ACOX3: variants seen among roughly 807,000 people sequenced by gnomAD.
ACOX3 encodes the protein peroxisomal acyl-coenzyme A oxidase 3.
Under a neutral mutation model 81.5 loss-of-function variants are expected in ACOX3, and 73 were observed. The observed-to-expected ratio is 0.90, with a 90% confidence interval of 0.74 to 1.09. The LOEUF is 1.09. Among genes scored for constraint, ACOX3 ranks in the 50% least tolerant of loss-of-function variants. ACOX3 has a pLI of 0.00. For synonymous variants in ACOX3, 387 were observed against 375.1 expected (o/e 1.03, Z -0.37); for missense variants, 947 against 928.0 (o/e 1.02, Z -0.27).
intron 10 of ACOX3, 145 bp from the exon 11 acceptor site, chr4:8,392,598 G>T: frequency 1.1e-6 from 1 of 945,534 alleles, no homozygotes; most frequent in Non-Finnish European, 1.5e-6. Context: ...AAACCTAATT[G>T]TAATTAGAAA....
intron 1 of ACOX3, among the ~76,000 whole-genome samples, chr4:8,433,575 TC>T (rs1280661904): frequency 3.9e-5 from 6 of 152,258 alleles, no homozygotes; most frequent in Admixed American, 3.9e-4. Context: ...CTGTATGTGA[TC>T]AAACACTGAA....
intron 7 of ACOX3, among the ~76,000 whole-genome samples, chr4:8,404,963 G>A (rs1345026072): frequency 6.6e-6 from 1 of 152,138 alleles, no homozygotes; most frequent in African/African-American, 2.4e-5. Context: ...AGCATTCGCA[G>A]TGAGGGAGGC....
intron 17 of ACOX3, among the ~76,000 whole-genome samples, chr4:8,367,806 C>CAAAAAAAA (rs535574857): frequency 1.1e-4 from 5 of 46,708 alleles, no homozygotes; most frequent in Non-Finnish European, 1.3e-4. Context: ...CCCATCTTTA[C>CAAAAAAAA]AAAAAAAAAA....
In ACOX3 at chr4:8,416,446, C is replaced by T. The variant is rs746051376; in HGVS notation, c.76G>A (p.Ala26Thr). The change falls in exon 2 of 18, where the codon GCA (alanine) becomes ACA (threonine). Residue 26 changes from alanine (A) to threonine (T), a missense_variant. Transcript: ENST00000356406. This position sits in a 1 kb window ranked among gnomAD's most constrained non-coding sequence, Gnocchi z 4.2. ...FPRGPLDAYR[A>T]RASFSWKELA... ...TCCTTCCAGCTGAAGGACGCTCTTG[C>T]TCGGTAGGCATCGAGGGGCCCCCTG... The T allele has an allele frequency of 6.2e-7, 1 of 1,614,186 alleles. No homozygotes were observed. Among genetic ancestry groups the T allele is most frequent in the Non-Finnish European group, 8.5e-7 (1 of 1,180,032 alleles).
chr4:8,428,894 GT>G (rs1252824394), intron 1 of ACOX3, among the ~76,000 whole-genome samples: 2 of 152,206 alleles, frequency 1.3e-5, no homozygotes, highest in African/African-American at 4.8e-5. Context: ...GGGCAACATA[GT>G]AAGACCCGGC....
chr4:8,438,346 T>A (rs1579016520), intron 1 of ACOX3, among the ~76,000 whole-genome samples: 1 of 152,156 alleles, frequency 6.6e-6, no homozygotes, highest in South Asian at 2.1e-4. Context: ...GGCTGCAAAG[T>A]TCAAGAAAAA....
In ACOX3 at chr4:8,416,523, G is replaced by A. The variant is rs755040030; in HGVS notation, c.-2C>T. ...GCCTCCTTCCACAGTGGATGCCATC[G>A]CGTGATAAGAGCCTGCACAAAACAT... On this transcript the variant is annotated 5_prime_UTR_variant, in exon 2 of 18. Coordinates refer to ENST00000356406, the MANE Select transcript of ACOX3 (RefSeq NM_003501.3). This position sits in a 1 kb window ranked among gnomAD's most constrained non-coding sequence, Gnocchi z 4.2. The A allele has an allele frequency of 6.2e-6, 10 of 1,601,490 alleles. No individual in the cohort carries two copies. The Admixed American group carries it at 8.5e-5, about 14-fold the overall frequency.
chr4:8,366,747 G>A lies in ACOX3; in HGVS notation c.*214C>T, dbSNP rs562302184. On this transcript the variant is annotated 3_prime_UTR_variant, in exon 18 of 18. Transcript: ENST00000356406. ...ATGATCATCTGCATTTCTTTTCCAC[G>A]CTGCAAATCACCGCGATCCCAGATT... The A allele has an allele frequency of 2.9e-5, 14 of 482,776 alleles. No homozygotes were observed. Among genetic ancestry groups the A allele is most frequent in the African/African-American group, 2.1e-4 (11 of 51,478 alleles). The allele number at this position is 482,776 out of a possible 1,614,324, so 29.9% of individuals were successfully genotyped here. A position where few individuals can be genotyped will look rare whatever the true frequency, so the allele number is the denominator to read the frequency against.
intron 3 of ACOX3, among the ~76,000 whole-genome samples, chr4:8,415,456 TAAA>T (rs1399823554): frequency 7.4e-6 from 1 of 135,136 alleles, no homozygotes; most frequent in Non-Finnish European, 1.6e-5. Context: ...TTGTATGAGG[TAAA>T]AAAAAAAAAA....
chr4:8,361,266 G>A, the ACOX3 span, among the ~76,000 whole-genome samples: 2 of 150,650 alleles, frequency 1.3e-5, no homozygotes, highest in East Asian at 2.0e-4. Context: ...TACTAAAAAT[G>A]CAAAAAAAAA....
rs745475583 is a variant in ACOX3 at position 8,373,532 on chromosome 4, T to C, written c.1896+29A>G. 5 of 1,611,370 alleles carry C rather than the reference T, an allele frequency of 3.1e-6. No homozygotes were observed. The South Asian group carries it at 3.3e-5, about 11-fold the overall frequency. On this transcript the variant is annotated intron_variant, in intron 16 of 17. Coordinates refer to ENST00000356406, the MANE Select transcript of ACOX3 (RefSeq NM_003501.3). ...TCTGGGCGGTTGTGTAACATGGATG[T>C]AGAGAACGCGACAGCACCCACGGCT...
In ACOX3 at chr4:8,416,580, G is replaced by GC. The variant is rs1209014496; in HGVS notation, c.-14-46_-14-45insG. ...TGAATCCATGCTCTCCCATCTATGG[G>GC]TTCAAACTACCCCCACCAACAGGAG... On this transcript the variant is annotated intron_variant, in intron 1 of 17. Coordinates refer to ENST00000356406, the MANE Select transcript of ACOX3 (RefSeq NM_003501.3). This position sits in a 1 kb window ranked among gnomAD's most constrained non-coding sequence, Gnocchi z 4.2. 1.1e-5 allele frequency: 17 copies of GC among 1,511,988 alleles called. No homozygotes were observed. Among genetic ancestry groups the GC allele is most frequent in the Non-Finnish European group, 1.3e-5 (15 of 1,131,878 alleles). The allele number at this position is 1,511,988 out of a possible 1,614,324, so 93.7% of individuals were successfully genotyped here. A position where few individuals can be genotyped will look rare whatever the true frequency, so the allele number is the denominator to read the frequency against.
At chr4:8,435,560 C>T (rs1268370378) in intron 1 of ACOX3, among the ~76,000 whole-genome samples, 1 of 151,838 alleles carries the variant, frequency 6.6e-6, no homozygotes, top group African/African-American at 2.4e-5. Context: ...GAAGGAACTA[C>T]AGACAGGGAA....
downstream of ACOX3, among the ~76,000 whole-genome samples, chr4:8,363,620 G>A (rs998409112): frequency 3.9e-5 from 6 of 152,192 alleles, no homozygotes; most frequent in Non-Finnish European, 7.4e-5. Flanking sequence ...ATCTTGAATA[G>A]GAGCTGGGTA....
Position 8,366,758 on chromosome 4 carries a change from C to T in ACOX3, c.*203G>A. 1.8e-6 allele frequency: 1 copy of T among 550,136 alleles called. No individual in the cohort carries two copies. Among genetic ancestry groups the T allele is most frequent in the Non-Finnish European group, 3.1e-6 (1 of 321,164 alleles). The allele number at this position is 550,136 out of a possible 1,614,324, so 34.1% of individuals were successfully genotyped here. A position where few individuals can be genotyped will look rare whatever the true frequency, so the allele number is the denominator to read the frequency against. On this transcript the variant is annotated 3_prime_UTR_variant, in exon 18 of 18. Coordinates refer to ENST00000356406, the MANE Select transcript of ACOX3 (RefSeq NM_003501.3). Reference sequence around the variant, plus strand: ...CATTTCTTTTCCACGCTGCAAATCACCGCGATCCCAGATTAGTCCAGCCGG... The same window carrying T: ...CATTTCTTTTCCACGCTGCAAATCATCGCGATCCCAGATTAGTCCAGCCGG...
intron 5 of ACOX3, among the ~76,000 whole-genome samples, chr4:8,413,680 G>A (rs1722029311): frequency 7.0e-6 from 1 of 143,604 alleles, no homozygotes; most frequent in African/African-American, 2.6e-5. Context: ...GCATCCATCT[G>A]TGGCCCGTCT....
chr4:8,381,573 G>T lies in ACOX3; in HGVS notation c.1572C>A (p.Tyr524Ter), dbSNP rs773880193. 6.2e-7 allele frequency: 1 copy of T among 1,613,904 alleles called. No homozygotes were observed. Among genetic ancestry groups the T allele is most frequent in the Non-Finnish European group, 8.5e-7 (1 of 1,179,958 alleles). ...ALAAYKWLVC[Y>*]LLRETYQKLN... ...ATTTTTGATAAGTCTCTCGGAGCAG[G>T]TAGCAAACCAGCCACTTGTATGCTG... The change falls in exon 14 of 18, where the codon TAC becomes TAA. Residue 524 changes from tyrosine (Y) to a stop codon, truncating the protein, a stop_gained. Coordinates refer to ENST00000356406, the MANE Select transcript of ACOX3 (RefSeq NM_003501.3). LOFTEE classifies it high-confidence loss of function. The surrounding 1 kb of genome is among the most constrained non-coding windows in gnomAD (Gnocchi z 4.3).
chr4:8,408,160 T>A (rs1721222637), intron 6 of ACOX3, among the ~76,000 whole-genome samples: 1 of 145,542 alleles, frequency 6.9e-6, no homozygotes, highest in Non-Finnish European at 1.5e-5. Flanking sequence ...AACTTTAAAA[T>A]AAAGAAACAC....
intron 10 of ACOX3, chr4:8,392,991 A>C (rs1278169650): frequency 6.6e-6 from 1 of 152,162 alleles, no homozygotes; most frequent in African/African-American, 2.4e-5. Context: ...CAGGCCTAAC[A>C]TGTTTTATTG....
Sources: gnomAD v4.1 joint callset for allele counts (sites outside exome capture counted in the v4.1 genomes callset) on GRCh38, gnomAD v4.1.1 for gene constraint, Gnocchi (gnomAD v3.1) non-coding constraint, MANE v1.5 for transcripts, NCBI Gene and HGNC (gene_info 2026-07-23, HGNC 2026-07-21) for gene names.